Variants in ASIC2 observed in about 807,000 individuals in gnomAD.
The protein encoded by ASIC2 is acid sensing ion channel subunit 2.
Under a neutral mutation model 57.3 loss-of-function variants are expected in ASIC2, and 25 were observed. That is an observed-to-expected ratio of 0.44 (90% confidence interval 0.32 to 0.61). The LOEUF (loss-of-function observed/expected upper bound fraction) is 0.61, where lower values mean the gene tolerates loss of function less well. ASIC2 is among the 20% of genes least tolerant of loss of function. The pLI is 0.06. For missense variants in ASIC2, 641 were observed against 738.1 expected (o/e 0.87, Z 1.52); for synonymous variants, 319 against 307.5 (o/e 1.04, Z -0.39).
At chr17:33,121,621 C>A (rs185335348) in intron 1 of ASIC2, among the ~76,000 whole-genome samples, 10 of 152,272 alleles carry the variant, frequency 6.6e-5, no homozygotes, top group Admixed American at 3.3e-4. Flanking sequence ...TGAGCCCTGC[C>A]TATCTGCTCA....
At chr17:33,401,846 A>T (rs1910296992) in intron 1 of ASIC2, among the ~76,000 whole-genome samples, 1 of 152,190 alleles carries the variant, frequency 6.6e-6, no homozygotes, top group Non-Finnish European at 1.5e-5. Flanking sequence ...ATGGGAGAAA[A>T]TGAAGCTCAC....
intron 1 of ASIC2, among the ~76,000 whole-genome samples, chr17:33,747,785 C>T (rs539147859): frequency 1.6e-4 from 24 of 152,330 alleles, no homozygotes; most frequent in African/African-American, 5.8e-4. Context: ...CCTCCCTCCC[C>T]TTCTTCCCCA....
intron 1 of ASIC2, among the ~76,000 whole-genome samples, chr17:33,323,559 C>T (rs1034808032): frequency 6.6e-6 from 1 of 152,124 alleles, no homozygotes; most frequent in Non-Finnish European, 1.5e-5. Flanking sequence ...ACTAAAAATA[C>T]AAAAATTAGG....
chr17:33,935,174 A>T (rs920554341), intron 1 of ASIC2, among the ~76,000 whole-genome samples: 1 of 152,092 alleles, frequency 6.6e-6, no homozygotes, highest in Non-Finnish European at 1.5e-5. Flanking sequence ...ACTGCCCCCT[A>T]CATCTGGAAC....
intron 1 of ASIC2, among the ~76,000 whole-genome samples, chr17:33,751,858 G>A (rs1671803945): frequency 6.6e-6 from 1 of 151,152 alleles, no homozygotes; most frequent in Non-Finnish European, 1.5e-5. Flanking sequence ...GGCAGACCGG[G>A]TGTGCTGAGA....
At chr17:33,933,111 C>T (rs975611016) in intron 1 of ASIC2, among the ~76,000 whole-genome samples, 1 of 152,140 alleles carries the variant, frequency 6.6e-6, no homozygotes, top group Non-Finnish European at 1.5e-5. Context: ...TCAACCTGAC[C>T]TTGCTTTTCA....
At chr17:33,573,442 T>C (rs1430057892) in intron 1 of ASIC2, among the ~76,000 whole-genome samples, 3 of 152,186 alleles carry the variant, frequency 2.0e-5, no homozygotes, top group Admixed American at 6.5e-5. Context: ...CCTTCCCTCC[T>C]CAGAGATAAC....
intron 1 of ASIC2, among the ~76,000 whole-genome samples, chr17:33,120,844 T>G (rs1462915582): frequency 1.3e-5 from 2 of 152,178 alleles, no homozygotes; most frequent in Admixed American, 1.3e-4. Flanking sequence ...GCCTGGTAGC[T>G]GGTGTACAGA....
intron 1 of ASIC2, among the ~76,000 whole-genome samples, chr17:33,395,771 C>T (rs1466064232): frequency 6.6e-6 from 1 of 152,150 alleles, no homozygotes. Flanking sequence ...GACAGAGGGG[C>T]AAGGCAAGTG....
At position 33,291,867 on chromosome 17, in the gene ASIC2, G is replaced by T; in HGVS notation, c.249C>A (p.Phe83Leu). ...CCAGCACCCACAGCGCCCGCCGCTG[G>T]AAGGAGCCCCCAGCCGCCGTGCGCC... ...CAGRTAAGGS[F>L]QRRALWVLAF... is the part of the protein sequence containing the mutation. Residue 83 changes from phenylalanine to leucine, a missense_variant, in exon 1 of 10, where the codon TTC (phenylalanine) becomes TTA (leucine). Phe to Leu is a conservative substitution (Grantham distance 22). This residue lies in a region of ASIC2 where 382 missense variants were observed against 398.0 expected (regional missense o/e 0.96). Transcript: ENST00000225823. 1 of 1,608,688 alleles carries T rather than the reference G, an allele frequency of 6.2e-7. No individual in the cohort carries two copies. The highest frequency in any genetic ancestry group is 8.5e-7 in the Non-Finnish European group (1 of 1,179,474).
At chr17:33,014,502 G>C (rs1205087898) in intron 9 of ASIC2, among the ~76,000 whole-genome samples, 1 of 151,916 alleles carries the variant, frequency 6.6e-6, no homozygotes, top group African/African-American at 2.4e-5. Context: ...AACGGTAGAA[G>C]GCCTTAGAGC....
intron 1 of ASIC2, among the ~76,000 whole-genome samples, chr17:33,520,281 C>A (rs1219715666): frequency 6.6e-6 from 1 of 152,172 alleles, no homozygotes; most frequent in African/African-American, 2.4e-5. Context: ...GGATACGGGA[C>A]AGAAAGACAG....
intron 1 of ASIC2, among the ~76,000 whole-genome samples, chr17:33,348,359 A>G (rs1324155915): frequency 6.6e-6 from 1 of 152,080 alleles, no homozygotes; most frequent in African/African-American, 2.4e-5. Context: ...GAGGAGATAT[A>G]TGGTTAGGAG....
intron 2 of ASIC2, among the ~76,000 whole-genome samples, chr17:33,103,919 T>C (rs1421286839): frequency 1.3e-5 from 2 of 152,206 alleles, no homozygotes; most frequent in Non-Finnish European, 2.9e-5. Context: ...GTTCCTTTTG[T>C]AGACTTTTAA....
intron 1 of ASIC2, among the ~76,000 whole-genome samples, chr17:34,105,997 T>G (rs1911038165): frequency 6.6e-6 from 1 of 152,102 alleles, no homozygotes; most frequent in African/African-American, 2.4e-5. Flanking sequence ...CTTTTTCTCC[T>G]GTAGCACAGG....
chr17:33,996,974 C>A (rs980372375), intron 1 of ASIC2, among the ~76,000 whole-genome samples: 1 of 152,096 alleles, frequency 6.6e-6, no homozygotes, highest in Non-Finnish European at 1.5e-5. Flanking sequence ...AATAGTAATT[C>A]TTCTTACCTA....
intron 1 of ASIC2, among the ~76,000 whole-genome samples, chr17:34,106,805 C>A (rs970920755): frequency 2.0e-5 from 3 of 152,104 alleles, no homozygotes; most frequent in African/African-American, 7.2e-5. Context: ...ATTCCAGGTT[C>A]ATCTTTTACC....
intron 1 of ASIC2, among the ~76,000 whole-genome samples, chr17:33,818,241 G>A (rs990635392): frequency 6.6e-6 from 1 of 152,184 alleles, no homozygotes; most frequent in Admixed American, 6.5e-5. Context: ...CTGCTACAAT[G>A]GGAATAAGAA....
At chr17:33,989,803 T>A (rs1905945989) in intron 1 of ASIC2, among the ~76,000 whole-genome samples, 1 of 151,998 alleles carries the variant, frequency 6.6e-6, no homozygotes, top group Non-Finnish European at 1.5e-5. Context: ...TATAGAAAAC[T>A]CGTATTAACA....
Sources: gnomAD v4.1 joint callset for allele counts (sites outside exome capture counted in the v4.1 genomes callset) on GRCh38, gnomAD v4.1.1 for gene constraint, gnomAD v4.1.1 regional missense constraint, MANE v1.5 for transcripts, NCBI Gene and HGNC (gene_info 2026-07-23, HGNC 2026-07-21) for gene names.